Variants in KIAA1328 observed in about 807,000 individuals in gnomAD.
KIAA1328 encodes protein hinderin.
Under a neutral mutation model 68.1 loss-of-function variants are expected in KIAA1328, and 52 were observed. The ratio of observed to expected loss-of-function variants is 0.76; its 90% CI spans 0.61 to 0.96. The LOEUF is 0.96. Ranked by LOEUF, KIAA1328 falls within the 40% of genes least tolerant of loss-of-function variation. The probability of loss-of-function intolerance (pLI) is 0.00; values close to 1 mark genes in which losing one functional copy is unlikely to be tolerated. For missense variants in KIAA1328, 641 were observed against 677.6 expected (o/e 0.95, Z 0.60); for synonymous variants, 232 against 239.4 (o/e 0.97, Z 0.28).
rs559269413 is a variant in KIAA1328, at chr18:36,831,374, A to G, written c.58+2178A>G. 6.6e-5 allele frequency among the ~76,000 whole-genome samples: 10 copies of G among 152,206 alleles called. No individual in the cohort carries two copies. In the East Asian group the frequency reaches 1.9e-3, roughly 29 times the overall value. Reference sequence around the variant, plus strand: ...GTATGATTCAGCAGTGCTGTTTTGCACAAGGAACGTTTTAGTACCTCATCT... The same window carrying G: ...GTATGATTCAGCAGTGCTGTTTTGCGCAAGGAACGTTTTAGTACCTCATCT... On this transcript the variant is annotated intron_variant, in intron 1 of 9. Transcript: ENST00000280020.
At chr18:37,007,225 C>T (rs1568283102) in intron 6 of KIAA1328, among the ~76,000 whole-genome samples, 1 of 152,132 alleles carries the variant, frequency 6.6e-6, no homozygotes, top group African/African-American at 2.4e-5. Context: ...CTTCTTGGCA[C>T]CTCAAACTGT....
chr18:37,130,094 C>T (rs2058486603), intron 7 of KIAA1328, among the ~76,000 whole-genome samples: 1 of 152,000 alleles, frequency 6.6e-6, no homozygotes, highest in African/African-American at 2.4e-5. Flanking sequence ...AATGGAAAGC[C>T]TCCTAAGCTG....
intron 6 of KIAA1328, among the ~76,000 whole-genome samples, chr18:37,015,971 T>C (rs147083157): frequency 1.2e-3 from 178 of 152,294 alleles, no homozygotes; most frequent in Non-Finnish European, 2.1e-3. Flanking sequence ...CTTCTTTTCC[T>C]ATTTGATTGC....
rs1469544370 is a variant in KIAA1328 at position 36,892,059 on chromosome 18, A to G, written c.448+6387A>G. Among the ~76,000 whole-genome samples, 4 of 152,288 alleles carry G rather than the reference A, an allele frequency of 2.6e-5. No homozygotes were observed. In the East Asian group the frequency reaches 7.7e-4, roughly 29 times the overall value. On this transcript the variant is annotated intron_variant, in intron 5 of 9. Coordinates refer to ENST00000280020, the MANE Select transcript of KIAA1328 (RefSeq NM_020776.3). The stretch of plus-strand genomic sequence containing the variant: ...ACAGTAATACGCTGGAGCTATCCAA[A>G]GCTTTGTATTTAACTATATATCTCA...
intron 4 of KIAA1328, among the ~76,000 whole-genome samples, chr18:36,879,879 C>A (rs547803970): frequency 6.6e-6 from 1 of 152,284 alleles, no homozygotes; most frequent in South Asian, 2.1e-4. Context: ...TGCCCCTTCC[C>A]TCACCAAGCT....
chr18:36,881,165 G>A (rs2048317746), intron 4 of KIAA1328, among the ~76,000 whole-genome samples: 1 of 148,684 alleles, frequency 6.7e-6, no homozygotes. Flanking sequence ...GCCAGTTTAA[G>A]CATGTAAATA....
chr18:36,978,206 A>T (rs144628011), intron 6 of KIAA1328, among the ~76,000 whole-genome samples: 4 of 152,224 alleles, frequency 2.6e-5, no homozygotes, highest in Admixed American at 2.6e-4. Flanking sequence ...TCCAGCAGTG[A>T]ATTCTGACAA....
intron 6 of KIAA1328, among the ~76,000 whole-genome samples, chr18:37,048,708 T>C (rs1025001087): frequency 2.0e-5 from 3 of 152,164 alleles, no homozygotes; most frequent in Non-Finnish European, 4.4e-5. Flanking sequence ...TGGCCTCTGT[T>C]TAAGACAGTT....
intron 5 of KIAA1328, among the ~76,000 whole-genome samples, chr18:36,912,589 C>G (rs138349116): frequency 1.3e-4 from 20 of 152,282 alleles, no homozygotes; most frequent in Non-Finnish European, 2.6e-4. Context: ...CTCCGCCTGC[C>G]TACCACAGTC....
intron 5 of KIAA1328, among the ~76,000 whole-genome samples, chr18:36,893,465 T>TGTG (rs1556812094): frequency 0.012 from 1,441 of 120,602 alleles, 21 homozygotes; most frequent in African/African-American, 0.023. Flanking sequence ...GTGTGTGTTT[T>TGTG]TGTGTGTGTG....
rs1315418298 is a variant in KIAA1328, at chr18:36,861,210, AT to A, written c.332+16912del. Among the ~76,000 whole-genome samples, 31 of 152,074 alleles carry A rather than the reference AT, an allele frequency of 2.0e-4. No homozygotes were observed. The South Asian group carries it at 2.5e-3, about 12-fold the overall frequency. On this transcript the variant is annotated intron_variant, in intron 4 of 9. Transcript: ENST00000280020. ...CACTTTTGAAGAGTACTAGTCAGAT[AT>A]TTTGTAGTATTTCCTTTCATTTGTT...
At chr18:37,020,571 T>C (rs2054310085) in intron 6 of KIAA1328, among the ~76,000 whole-genome samples, 1 of 152,240 alleles carries the variant, frequency 6.6e-6, no homozygotes, top group South Asian at 2.1e-4. Context: ...GTAAACAGTA[T>C]GTAAGAGAAC....
chr18:37,080,431 T>G (rs2056910598), intron 7 of KIAA1328, among the ~76,000 whole-genome samples: 1 of 152,180 alleles, frequency 6.6e-6, no homozygotes, highest in South Asian at 2.1e-4. Context: ...GTGAAGGAAA[T>G]ATATCCAAAC....
intron 6 of KIAA1328, among the ~76,000 whole-genome samples, chr18:36,979,120 T>C (rs2151361433): frequency 6.6e-6 from 1 of 152,170 alleles, no homozygotes; most frequent in East Asian, 1.9e-4. Context: ...GATTGCACCA[T>C]TGTACCACTG....
chr18:36,857,532 C>T lies in KIAA1328; in HGVS notation c.332+13230C>T, dbSNP rs1477293255. On this transcript the variant is annotated intron_variant, in intron 4 of 9. Transcript: ENST00000280020. The stretch of plus-strand genomic sequence containing the variant: ...AAGATTGAGCCATCATCCTGGCGGC[C>T]GCCATTGATCTGGGGAATGGGGGAT... Among the ~76,000 whole-genome samples the T allele has an allele frequency of 2.0e-5, 3 of 152,286 alleles. No homozygotes were observed. The East Asian group carries it at 5.8e-4, about 29-fold the overall frequency.
chr18:37,031,832 T>C (rs1177152608), intron 6 of KIAA1328, among the ~76,000 whole-genome samples: 1 of 152,182 alleles, frequency 6.6e-6, no homozygotes, highest in African/African-American at 2.4e-5. Context: ...TTTGTTTAAT[T>C]TTTTAGTGGT....
intron 6 of KIAA1328, among the ~76,000 whole-genome samples, chr18:37,058,242 C>A (rs532955180): frequency 6.6e-6 from 1 of 152,202 alleles, no homozygotes; most frequent in South Asian, 2.1e-4. Context: ...CCACCTGAGA[C>A]CCCTTCCTCG....
chr18:36,910,531 A>G (rs1377592365), intron 5 of KIAA1328, among the ~76,000 whole-genome samples: 1 of 152,136 alleles, frequency 6.6e-6, no homozygotes, highest in Non-Finnish European at 1.5e-5. Flanking sequence ...GTGGCCTTAT[A>G]GTATAGTTTG....
chr18:36,967,103 T>C (rs562741982), intron 6 of KIAA1328, among the ~76,000 whole-genome samples: 1 of 152,342 alleles, frequency 6.6e-6, no homozygotes, highest in Admixed American at 6.5e-5. Context: ...CTCTTGTGAC[T>C]ATGTTATGTT....
Sources: gnomAD v4.1 joint callset for allele counts (sites outside exome capture counted in the v4.1 genomes callset) on GRCh38, gnomAD v4.1.1 for gene constraint, MANE v1.5 for transcripts, NCBI Gene and HGNC (gene_info 2026-07-23, HGNC 2026-07-21) for gene names.